The following KIDINS220 variants were observed in gnomAD, a reference collection of about 807,000 sequenced individuals.
KIDINS220 encodes the protein kinase D-interacting substrate of 220 kDa.
KIDINS220 carries 63 observed loss-of-function variants against 157.6 expected under a neutral mutation model. That is an observed-to-expected ratio of 0.40 (90% confidence interval 0.33 to 0.49). KIDINS220 has a LOEUF of 0.49. Ranked by LOEUF, KIDINS220 falls within the 20% of genes least tolerant of loss-of-function variation. KIDINS220 has a pLI of 0.66. For missense variants in KIDINS220, 1,772 were observed against 2,171.2 expected, an observed-to-expected ratio of 0.82 and a Z score of 3.65; for synonymous variants, 732 against 783.6, an observed-to-expected ratio of 0.93 and a Z score of 1.10.
rs1211420965 is a variant in KIDINS220, at chr2:8,770,658, C to CACAAAAGG, written c.3011+4_3011+11dup. The CACAAAAGG allele has an allele frequency of 6.8e-7, 1 of 1,472,864 alleles. No homozygotes were observed. The highest frequency in any genetic ancestry group is 9.2e-7 in the Non-Finnish European group (1 of 1,089,704). 91.2% of individuals were successfully genotyped at this position (1,472,864 alleles called of 1,614,324 possible). On this transcript the variant is annotated intron_variant, in intron 22 of 29. Transcript: ENST00000256707. The stretch of plus-strand genomic sequence containing the variant: ...AAAATAAAGTAAAATACAAAGAGGT[C>CACAAAAGG]ACAAAAGGTACCTTTCGTAGATGGT...
intron 16 of KIDINS220, 64 bp from the exon 17 acceptor site, chr2:8,786,094 A>G: frequency 3.8e-6 from 6 of 1,559,274 alleles, no homozygotes; most frequent in Non-Finnish European, 5.2e-6. Context: ...CTAACATTAT[A>G]GTCACAATAC....
chr2:8,799,192 G>A (rs535309833), intron 9 of KIDINS220, among the ~76,000 whole-genome samples: 26 of 151,812 alleles, frequency 1.7e-4, no homozygotes, highest in South Asian at 1.5e-3. Flanking sequence ...TATGAAATGC[G>A]GTCTTTCACT....
At chr2:8,757,468 A>G in intron 22 of KIDINS220, 2 of 1,363,842 alleles carry the variant, frequency 1.5e-6, no homozygotes, top group Non-Finnish European at 1.9e-6. Context: ...CCAAAGGGAT[A>G]TGTGAGGCCG....
intron 22 of KIDINS220, among the ~76,000 whole-genome samples, chr2:8,765,462 T>C (rs78703811): frequency 0.056 from 8,540 of 151,984 alleles, 360 homozygotes; most frequent in Non-Finnish European, 0.092. Flanking sequence ...GTTTTTTAAA[T>C]GATACAAAAA....
chr2:8,771,980 A>G (rs1450532205), intron 21 of KIDINS220, among the ~76,000 whole-genome samples: 2 of 150,624 alleles, frequency 1.3e-5, no homozygotes, highest in Non-Finnish European at 3.0e-5. Flanking sequence ...GAAAAAGACA[A>G]AAAAAAAAGA....
downstream of KIDINS220, chr2:8,727,018 A>C: frequency 9.0e-7 from 1 of 1,107,336 alleles, no homozygotes; most frequent in Non-Finnish European, 1.2e-6. Context: ...GGGATTCTCA[A>C]CCTTTGTGAT....
chr2:8,827,871 G>C (rs949390761), intron 1 of KIDINS220, among the ~76,000 whole-genome samples: 1 of 152,148 alleles, frequency 6.6e-6, no homozygotes. Context: ...CACCTGAAGA[G>C]CTTTTAAAGC....
Position 8,775,517 on chromosome 2 carries a change from G to A in KIDINS220, c.2848+1231C>T, listed in dbSNP as rs539793150. ...AAAGAGGAAGAGTGATCAACACACT[G>A]TCAAACACCACTAATGGGGTCAAAT... On this transcript the variant is annotated intron_variant, in intron 21 of 29. Transcript: ENST00000256707. 6.6e-5 allele frequency among the ~76,000 whole-genome samples: 10 copies of A among 152,274 alleles called. No homozygotes were observed. The South Asian group carries it at 2.1e-3, about 32-fold the overall frequency.
chr2:8,802,915 A>C lies in KIDINS220; in HGVS notation c.801+15T>G. The C allele has an allele frequency of 6.2e-7, 1 of 1,611,424 alleles. No individual in the cohort carries two copies. The highest frequency in any genetic ancestry group is 1.7e-4 in the Middle Eastern group (1 of 6,054). Reference sequence around the variant, plus strand: ...ACTTCACCACTAGGAGACAAATGTGAAATAGATGACCTACCCTGTCAGGTA... The same window carrying C: ...ACTTCACCACTAGGAGACAAATGTGCAATAGATGACCTACCCTGTCAGGTA... On this transcript the variant is annotated intron_variant, in intron 8 of 29. Coordinates refer to ENST00000256707, the MANE Select transcript of KIDINS220 (RefSeq NM_020738.4).
chr2:8,734,940 G>A (rs1447729390), intron 27 of KIDINS220, among the ~76,000 whole-genome samples, 187 bp from the exon 28 acceptor site: 2 of 152,126 alleles, frequency 1.3e-5, no homozygotes, highest in African/African-American at 4.8e-5. Flanking sequence ...AACAACATCA[G>A]CCACTTCATA....
intron 1 of KIDINS220, among the ~76,000 whole-genome samples, chr2:8,831,221 T>G (rs968929922): frequency 6.6e-6 from 1 of 152,212 alleles, no homozygotes; most frequent in Admixed American, 6.5e-5. Context: ...GAAAACTCAG[T>G]AAGTTCAATT....
intron 4 of KIDINS220, 126 bp from the exon 5 acceptor site, chr2:8,813,461 A>G (rs1676615816): frequency 1.6e-6 from 1 of 624,432 alleles, no homozygotes; most frequent in Non-Finnish European, 2.7e-6. Context: ...GTAGTATTAT[A>G]TAGTTCTAAA....
intron 6 of KIDINS220, among the ~76,000 whole-genome samples, chr2:8,809,311 G>A (rs1558467257): frequency 6.6e-6 from 1 of 151,998 alleles, no homozygotes; most frequent in African/African-American, 2.4e-5. Flanking sequence ...ATGAGCCACT[G>A]CACTCGGCCA....
intron 17 of KIDINS220, among the ~76,000 whole-genome samples, chr2:8,782,426 G>A (rs747871735): frequency 3.5e-4 from 53 of 152,278 alleles, no homozygotes; most frequent in Middle Eastern, 3.4e-3. Flanking sequence ...ACAACTCTAT[G>A]CCCACAAATT....
intron 28 of KIDINS220, among the ~76,000 whole-genome samples, chr2:8,734,274 T>G: frequency 6.6e-6 from 1 of 152,142 alleles, no homozygotes; most frequent in East Asian, 1.9e-4. Context: ...ACATGTAAAC[T>G]GACTTAACAG....
chr2:8,741,827 A>G (rs910885124), intron 26 of KIDINS220, among the ~76,000 whole-genome samples: 4 of 152,218 alleles, frequency 2.6e-5, no homozygotes, highest in African/African-American at 9.6e-5. Flanking sequence ...CTATACTTTA[A>G]TAAGAGGCAA....
Position 8,729,453 on chromosome 2 carries a change from A to G in KIDINS220, c.*1267T>C. 1.0e-6 allele frequency: 1 copy of G among 985,478 alleles called. No individual in the cohort carries two copies. Among genetic ancestry groups the G allele is most frequent in the Non-Finnish European group, 1.2e-6 (1 of 829,926 alleles). The allele number at this position is 985,478 out of a possible 1,614,324, so 61.0% of individuals were successfully genotyped here. A position where few individuals can be genotyped will look rare whatever the true frequency, so the allele number is the denominator to read the frequency against. On this transcript the variant is annotated 3_prime_UTR_variant, in exon 30 of 30. Coordinates refer to ENST00000256707, the MANE Select transcript of KIDINS220 (RefSeq NM_020738.4). Reference sequence around the variant, plus strand: ...CATTCTACATAAATGAGCTATGTTAAAACGATAACAATATTTCATTGCATG... The same window carrying G: ...CATTCTACATAAATGAGCTATGTTAGAACGATAACAATATTTCATTGCATG...
At position 8,757,342 on chromosome 2, in the gene KIDINS220, C is replaced by A. The variant is rs1271477088; in HGVS notation, c.3012-5698G>T. 6.7e-6 allele frequency: 7 copies of A among 1,050,772 alleles called. No individual in the cohort carries two copies. The South Asian group carries it at 2.3e-4, about 34-fold the overall frequency. 65.1% of individuals were successfully genotyped at this position (1,050,772 alleles called of 1,614,324 possible). On this transcript the variant is annotated intron_variant, in intron 22 of 29. Coordinates refer to ENST00000256707, the MANE Select transcript of KIDINS220 (RefSeq NM_020738.4). ...CAATTGGCTCAATCAAGATGAATTA[C>A]CCTTTCAACTAAATATCTATTTTTT...
intron 3 of KIDINS220, 103 bp from the exon 4 acceptor site, chr2:8,817,819 T>A: frequency 1.4e-6 from 1 of 703,286 alleles, no homozygotes; most frequent in East Asian, 2.7e-5. Context: ...CATACCAAGT[T>A]GACATGGTGT....
Sources: gnomAD v4.1 joint callset for allele counts (sites outside exome capture counted in the v4.1 genomes callset) on GRCh38, gnomAD v4.1.1 for gene constraint, MANE v1.5 for transcripts, NCBI Gene and HGNC (gene_info 2026-07-23, HGNC 2026-07-21) for gene names.